TSPAN5: variants seen among roughly 807,000 people sequenced by gnomAD.
TSPAN5 encodes tetraspanin 5.
In TSPAN5, 10 loss-of-function variants were observed where a neutral mutation model predicts 37.1. The observed-to-expected ratio is 0.27, with a 90% CI of 0.17 to 0.46. The LOEUF is 0.46. TSPAN5 is among the 20% of genes least tolerant of loss of function. TSPAN5 has a pLI of 1.00. For synonymous variants in TSPAN5, 110 were observed against 118.9 expected, an observed-to-expected ratio of 0.93 and a Z score of 0.48; for missense variants, 195 against 326.6, an observed-to-expected ratio of 0.60 and a Z score of 3.11.
chr4:98,506,968 G>T (rs143892722), intron 2 of TSPAN5, among the ~76,000 whole-genome samples: 2 of 152,154 alleles, frequency 1.3e-5, no homozygotes, highest in Admixed American at 6.5e-5. Flanking sequence ...TAGAAGGTGC[G>T]ATGGGAAGGA....
At chr4:98,615,696 C>T (rs1459720644) in intron 1 of TSPAN5, among the ~76,000 whole-genome samples, 2 of 152,172 alleles carry the variant, frequency 1.3e-5, no homozygotes, top group East Asian at 3.9e-4. Context: ...TAATGTATGC[C>T]TGTAATCCCA....
chr4:98,488,244 C>G (rs1048981092), intron 2 of TSPAN5, among the ~76,000 whole-genome samples: 1 of 152,166 alleles, frequency 6.6e-6, no homozygotes, highest in African/African-American at 2.4e-5. Flanking sequence ...CCCAGTACTT[C>G]CCAGTCAGCA....
At chr4:98,622,726 T>C (rs897352668) in intron 1 of TSPAN5, among the ~76,000 whole-genome samples, 1 of 152,152 alleles carries the variant, frequency 6.6e-6, no homozygotes, top group African/African-American at 2.4e-5. Context: ...ATGAGGTCAG[T>C]CAGCTCTGGA....
intron 2 of TSPAN5, 33 bp from the exon 3 acceptor site, chr4:98,486,917 G>T (rs34110880): frequency 1.2e-6 from 2 of 1,603,500 alleles, no homozygotes; most frequent in Non-Finnish European, 1.7e-6. Context: ...AACAAGGCAC[G>T]GGGATGTGGG....
At position 98,477,143 on chromosome 4, in the gene TSPAN5, G is replaced by C. The variant is rs116060582; in HGVS notation, c.577-683C>G. ...CTCTGAGAATACAGAATTCTCCCAA[G>C]GGAGTGTTAATGTGGGACAGGAACT... On this transcript the variant is annotated intron_variant, in intron 5 of 7. Transcript: ENST00000305798. Among the ~76,000 whole-genome samples the C allele has an allele frequency of 6.2e-3, 948 of 152,366 alleles. 10 individuals are homozygous for C. The highest frequency in any genetic ancestry group is 0.018 in the African/African-American group (739 of 41,588).
intron 1 of TSPAN5, among the ~76,000 whole-genome samples, chr4:98,520,552 C>T (rs112687187): frequency 0.015 from 2,316 of 152,268 alleles, 35 homozygotes; most frequent in African/African-American, 0.038. Context: ...GACCATCAGA[C>T]GGGGAGTCAG....
At chr4:98,628,836 C>T (rs1756668520) in intron 1 of TSPAN5, among the ~76,000 whole-genome samples, 1 of 152,186 alleles carries the variant, frequency 6.6e-6, no homozygotes, top group Admixed American at 6.5e-5. Context: ...TCCTATGATA[C>T]ATTGTACATT....
chr4:98,582,791 TGCCC>T (rs1012049942), intron 1 of TSPAN5, among the ~76,000 whole-genome samples: 3 of 152,188 alleles, frequency 2.0e-5, no homozygotes, highest in Non-Finnish European at 4.4e-5. Context: ...TGTAAACATG[TGCCC>T]CCCTCATTAA....
intron 1 of TSPAN5, among the ~76,000 whole-genome samples, chr4:98,547,375 G>A (rs1754493446): frequency 6.6e-6 from 1 of 152,198 alleles, no homozygotes; most frequent in Non-Finnish European, 1.5e-5. Flanking sequence ...AAAATCAGCC[G>A]GCAGAAAATT....
intron 1 of TSPAN5, among the ~76,000 whole-genome samples, chr4:98,508,043 C>T (rs1051938723): frequency 8.5e-5 from 13 of 152,220 alleles, no homozygotes; most frequent in Non-Finnish European, 1.0e-4. Context: ...GGGGAGGAAA[C>T]GGATTCCCCA....
At chr4:98,652,345 G>C (rs75844460) in intron 1 of TSPAN5, among the ~76,000 whole-genome samples, 3,717 of 152,234 alleles carry the variant, frequency 0.024, 176 homozygotes, top group East Asian at 0.22. Flanking sequence ...CAAGAATGCT[G>C]TCTACAATAC....
intron 1 of TSPAN5, among the ~76,000 whole-genome samples, chr4:98,609,518 G>A (rs1756130013): frequency 6.6e-6 from 1 of 152,182 alleles, no homozygotes; most frequent in South Asian, 2.1e-4. Context: ...GCAACAGCCA[G>A]CAGCCCCTGT....
intron 1 of TSPAN5, among the ~76,000 whole-genome samples, chr4:98,643,557 C>A (rs1012583575): frequency 1.3e-5 from 2 of 152,036 alleles, no homozygotes; most frequent in African/African-American, 4.8e-5. Flanking sequence ...GACCCCTATC[C>A]CTTCACTTCT....
intron 1 of TSPAN5, among the ~76,000 whole-genome samples, chr4:98,637,634 G>A (rs1756885042): frequency 6.6e-6 from 1 of 152,046 alleles, no homozygotes; most frequent in Non-Finnish European, 1.5e-5. Context: ...TTCTTTTGAT[G>A]GGGGAAGGAG....
In TSPAN5 at chr4:98,478,681, T is replaced by C. The variant is rs771676302; in HGVS notation, c.576+4A>G. 6.2e-7 allele frequency: 1 copy of C among 1,614,162 alleles called. No individual in the cohort carries two copies. The highest frequency in any genetic ancestry group is 1.1e-5 in the South Asian group (1 of 91,086). On this transcript the variant is annotated splice_donor_region_variant and intron_variant, in intron 5 of 7. Transcript: ENST00000305798. ...AGGCCAATAGTTCGCTGGCATTCAC[T>C]TACTGCGGGATCTTTAGTGCAGCAG...
At chr4:98,502,031 A>G (rs1221009612) in intron 2 of TSPAN5, among the ~76,000 whole-genome samples, 1 of 152,224 alleles carries the variant, frequency 6.6e-6, no homozygotes, top group Non-Finnish European at 1.5e-5. Context: ...TTCAAAGTAG[A>G]GCTGACAGTA....
intron 1 of TSPAN5, among the ~76,000 whole-genome samples, chr4:98,568,266 G>T (rs977509487): frequency 2.0e-5 from 3 of 152,162 alleles, no homozygotes; most frequent in African/African-American, 7.2e-5. Context: ...CTGGAGGCCA[G>T]GCACGGTGGT....
chr4:98,474,665 T>C (rs961872129), intron 7 of TSPAN5, among the ~76,000 whole-genome samples: 4 of 151,710 alleles, frequency 2.6e-5, no homozygotes, highest in East Asian at 3.9e-4. Context: ...TTCTTTTTAA[T>C]CATATATATT....
chr4:98,639,247 A>G (rs941984819), intron 1 of TSPAN5, among the ~76,000 whole-genome samples: 3 of 152,224 alleles, frequency 2.0e-5, no homozygotes, highest in African/African-American at 7.2e-5. Flanking sequence ...TTACAAAAGC[A>G]GCAGTACATG....
Sources: gnomAD v4.1 joint callset for allele counts (sites outside exome capture counted in the v4.1 genomes callset) on GRCh38, gnomAD v4.1.1 for gene constraint, MANE v1.5 for transcripts, NCBI Gene and HGNC (gene_info 2026-07-23, HGNC 2026-07-21) for gene names.